SMARCA4: variants seen among roughly 807,000 people sequenced by gnomAD.
SMARCA4 encodes the protein SWI/SNF related BAF chromatin remodeling complex subunit ATPase 4.
A neutral mutation model predicts 193.9 loss-of-function variants in SMARCA4; 31 were observed. The ratio of observed to expected loss-of-function variants is 0.16; its 90% CI spans 0.12 to 0.22. The LOEUF (loss-of-function observed/expected upper bound fraction) is 0.22, where lower values mean the gene tolerates loss of function less well. Among genes scored for constraint, SMARCA4 ranks in the 10% least tolerant of loss-of-function variants. The pLI, the probability that SMARCA4 is intolerant of heterozygous loss-of-function variation, is 1.00. For missense variants in SMARCA4, 1,148 were observed against 2,296.0 expected (o/e 0.50, Z 10.22); for synonymous variants, 942 against 933.1 (o/e 1.01, Z -0.17).
At chr19:10,962,859 C>T (rs1275608369) in intron 1 of SMARCA4, among the ~76,000 whole-genome samples, 2 of 152,142 alleles carry the variant, frequency 1.3e-5, no homozygotes, top group Non-Finnish European at 2.9e-5. Flanking sequence ...TTGACTTTCC[C>T]TGGCCACCTC....
intron 29 of SMARCA4, among the ~76,000 whole-genome samples, chr19:11,036,296 C>T (rs970700298): frequency 1.1e-4 from 16 of 152,066 alleles, no homozygotes; most frequent in Admixed American, 3.9e-4. Flanking sequence ...GCATTTTTTT[C>T]TTTTTTAATA....
At chr19:10,995,387 C>T (rs778532320) in intron 9 of SMARCA4, 5 of 467,812 alleles carry the variant, frequency 1.1e-5, no homozygotes, top group African/African-American at 2.0e-5. Flanking sequence ...GTGTTCTGGG[C>T]CAGGTGCTGC....
In SMARCA4 at chr19:10,993,340, A is replaced by G. The variant is rs545261534; in HGVS notation, c.1420-1488A>G. Among the ~76,000 whole-genome samples, 13 of 152,338 alleles carry G rather than the reference A, an allele frequency of 8.5e-5. No homozygotes were observed. The South Asian group carries it at 2.5e-3, about 29-fold the overall frequency. On this transcript the variant is annotated intron_variant, in intron 8 of 34. Transcript: ENST00000344626. The stretch of plus-strand genomic sequence containing the variant: ...ACATGACTTTTGATGTCTACACTGT[A>G]TTCCATTTCTATGTGTCCAGGATCT...
At chr19:11,055,958 G>A (rs1195638061) in intron 30 of SMARCA4, among the ~76,000 whole-genome samples, 3 of 151,864 alleles carry the variant, frequency 2.0e-5, no homozygotes, top group African/African-American at 7.3e-5. Flanking sequence ...TCGCATTGGG[G>A]TTCTTCTGTT....
rs767547558 is a variant in SMARCA4 at position 11,019,072 on chromosome 19, G to A, written c.2505+49G>A. Reference sequence around the variant, plus strand: ...CCTCTCTTGCTACGGAGGTGCAGGCGGTGGTGGGCAGGACGTCCACACATA... The same window carrying A: ...CCTCTCTTGCTACGGAGGTGCAGGCAGTGGTGGGCAGGACGTCCACACATA... On this transcript the variant is annotated intron_variant, in intron 17 of 34. Transcript: ENST00000344626. The surrounding 1 kb of genome is among the most constrained non-coding windows in gnomAD (Gnocchi z 6.1). 29 of 1,441,918 alleles carry A rather than the reference G, an allele frequency of 2.0e-5. No individual in the cohort carries two copies. The highest frequency in any genetic ancestry group is 1.5e-4 in the Admixed American group (9 of 59,798). 89.3% of individuals were successfully genotyped at this position (1,441,918 alleles called of 1,614,324 possible).
At chr19:11,037,384 T>G (rs1027525401) in intron 29 of SMARCA4, among the ~76,000 whole-genome samples, 3 of 152,326 alleles carry the variant, frequency 2.0e-5, no homozygotes, top group Non-Finnish European at 4.4e-5. Flanking sequence ...TGAGTGTGGT[T>G]GGATTTGCAT....
At position 10,984,060 on chromosome 19, in the gene SMARCA4, C is replaced by A; in HGVS notation, c.-31-61C>A. ...GATGTGACCGTATGATTGTCCCTTG[C>A]TATCCCTGTCCTGCCTCGCCCTTGG... On this transcript the variant is annotated intron_variant, in intron 1 of 34. Coordinates refer to ENST00000344626, the MANE Select transcript of SMARCA4 (RefSeq NM_003072.5). The surrounding 1 kb of genome is among the most constrained non-coding windows in gnomAD (Gnocchi z 4.3). The A allele has an allele frequency of 2.3e-6, 3 of 1,321,646 alleles. No individual in the cohort carries two copies. The South Asian group carries it at 3.6e-5, about 16-fold the overall frequency. The allele number at this position is 1,321,646 out of a possible 1,614,324, so 81.9% of individuals were successfully genotyped here.
At position 10,961,045 on chromosome 19, in the gene SMARCA4, G is replaced by T. The variant is rs2083754128; in HGVS notation, c.-161G>T. 1 of 149,402 alleles carries T rather than the reference G, an allele frequency of 6.7e-6. No individual in the cohort carries two copies. The highest frequency in any genetic ancestry group is 6.7e-5 in the Admixed American group (1 of 14,998). 9.3% of individuals were successfully genotyped at this position (149,402 alleles called of 1,614,324 possible). On this transcript the variant is annotated 5_prime_UTR_variant, in exon 1 of 35. Coordinates refer to ENST00000344626, the MANE Select transcript of SMARCA4 (RefSeq NM_003072.5). ...CGAGGCGGGCGGGCGCGCGCGCGAGGCTTCCCCTCGTTTGGCGGCGGCGGC... is the reference window on the plus strand; with the variant it reads ...CGAGGCGGGCGGGCGCGCGCGCGAGTCTTCCCCTCGTTTGGCGGCGGCGGC...
intron 13 of SMARCA4, among the ~76,000 whole-genome samples, chr19:11,004,007 C>T (rs376842383): frequency 8.6e-5 from 13 of 151,482 alleles, no homozygotes; most frequent in African/African-American, 1.5e-4. Flanking sequence ...CCTCCACGTC[C>T]GACTTATGAT....
rs2089913924 is a variant in SMARCA4, at chr19:11,022,059, G to A, written c.2859+92G>A. ...GTTGAGCACCAGCTACAGCTGGCTG[G>A]GCCTGTGCTGGGTGCCTGGTGAGAG... On this transcript the variant is annotated intron_variant, in intron 19 of 34. Coordinates refer to ENST00000344626, the MANE Select transcript of SMARCA4 (RefSeq NM_003072.5). 10 of 1,574,388 alleles carry A rather than the reference G, an allele frequency of 6.4e-6. No individual in the cohort carries two copies. The South Asian group carries it at 7.8e-5, about 12-fold the overall frequency.
chr19:10,981,368 G>A (rs1003015647), intron 1 of SMARCA4, among the ~76,000 whole-genome samples: 2 of 152,222 alleles, frequency 1.3e-5, no homozygotes, highest in Admixed American at 6.5e-5. Context: ...CAGCATCTTA[G>A]TAACATAAAC....
intron 21 of SMARCA4, 49 bp downstream of exon 21, chr19:11,024,487 C>T (rs371802003): frequency 2.5e-5 from 31 of 1,226,630 alleles, no homozygotes; most frequent in Middle Eastern, 2.0e-4. Context: ...TGTCCAAGGC[C>T]GGCAGCGTGG....
intron 30 of SMARCA4, among the ~76,000 whole-genome samples, chr19:11,055,140 T>TTC (rs1223946287): frequency 1.3e-5 from 2 of 152,142 alleles, no homozygotes; most frequent in South Asian, 4.1e-4. Flanking sequence ...CAGAACGTAA[T>TTC]TCTCCTAGAG....
In SMARCA4 at chr19:11,034,311, A is replaced by G. The variant is rs868275319; in HGVS notation, c.3951+111A>G. The G allele has an allele frequency of 3.5e-5, 30 of 857,098 alleles. No homozygotes were observed. The South Asian group carries it at 3.7e-4, about 11-fold the overall frequency. The allele number at this position is 857,098 out of a possible 1,614,324, so 53.1% of individuals were successfully genotyped here. On this transcript the variant is annotated intron_variant, in intron 28 of 34. Transcript: ENST00000344626. The surrounding 1 kb of genome is among the most constrained non-coding windows in gnomAD (Gnocchi z 7.0). ...GGTATCCCTAGCAGGTCAGGGAGCC[A>G]GGGACAGCTCACAGTGCAGCCCACT...
intron 1 of SMARCA4, among the ~76,000 whole-genome samples, chr19:10,981,609 C>T (rs1319798362): frequency 6.6e-6 from 1 of 152,178 alleles, no homozygotes; most frequent in Non-Finnish European, 1.5e-5. Flanking sequence ...GCTGAGTTTC[C>T]TGGTCCTCTC....
rs776413354 is a variant in SMARCA4, at chr19:11,033,838, C to T, written c.3846C>T (p.Asn1282=). 8 of 779,482 alleles carry T rather than the reference C, an allele frequency of 1.0e-5. No homozygotes were observed. Among genetic ancestry groups the T allele is most frequent in the African/African-American group, 1.7e-5 (1 of 59,104 alleles). The allele number at this position is 779,482 out of a possible 1,614,324, so 48.3% of individuals were successfully genotyped here. A position where few individuals can be genotyped will look rare whatever the true frequency, so the allele number is the denominator to read the frequency against. The change falls in exon 27 of 35, where the codon AAC becomes AAT. Residue 1282 remains asparagine (N), a synonymous_variant. Transcript: ENST00000344626. The surrounding 1 kb of genome is among the most constrained non-coding windows in gnomAD (Gnocchi z 9.8). ...CTGCCCCTCCGCCAGCGGGCGTCAA[C>T]CCCGACTTGGAGGAGCCACCTCTAA... ...AHTAPPPAGV[N]PDLEEPPLKE... is the part of the protein sequence containing the mutation.
intron 8 of SMARCA4, among the ~76,000 whole-genome samples, chr19:10,992,097 C>T (rs1600033985): frequency 6.6e-6 from 1 of 151,614 alleles, no homozygotes; most frequent in African/African-American, 2.4e-5. Flanking sequence ...ACAGTCAACA[C>T]AGCAATCTCT....
intron 11 of SMARCA4, 143 bp from the exon 12 acceptor site, chr19:11,002,885 GT>G: frequency 1.3e-6 from 1 of 784,642 alleles, no homozygotes; most frequent in African/African-American, 1.7e-5. Flanking sequence ...TGAGTATACA[GT>G]TTACGCATTT....
At chr19:10,966,184 A>G (rs1346189128) in intron 1 of SMARCA4, among the ~76,000 whole-genome samples, 1 of 151,884 alleles carries the variant, frequency 6.6e-6, no homozygotes, top group Non-Finnish European at 1.5e-5. Flanking sequence ...GGGTTTCACC[A>G]TGTTGACCAG....
Sources: gnomAD v4.1 joint callset for allele counts (sites outside exome capture counted in the v4.1 genomes callset) on GRCh38, gnomAD v4.1.1 for gene constraint, Gnocchi (gnomAD v3.1) non-coding constraint, MANE v1.5 for transcripts, NCBI Gene and HGNC (gene_info 2026-07-23, HGNC 2026-07-21) for gene names.